The following SORBS2 variants were observed in gnomAD, a reference collection of about 807,000 sequenced individuals.
SORBS2 encodes sorbin and SH3 domain containing 2.
SORBS2 carries 46 observed loss-of-function variants against 97.7 expected under a neutral mutation model. The observed-to-expected ratio is 0.47, with a 90% CI of 0.37 to 0.60. The LOEUF (loss-of-function observed/expected upper bound fraction) is 0.60. Among genes scored for constraint, SORBS2 ranks in the 20% least tolerant of loss-of-function variants. The probability of loss-of-function intolerance (pLI) is 0.00; values close to 1 mark genes in which losing one functional copy is unlikely to be tolerated. For synonymous variants in SORBS2, 476 were observed against 473.4 expected, an observed-to-expected ratio of 1.01 and a Z score of -0.07; for missense variants, 1,316 against 1,282.3, an observed-to-expected ratio of 1.03 and a Z score of -0.40.
rs567329894 is a variant in SORBS2 at position 185,616,997 on chromosome 4, C to T, written c.2351+1588G>A. ...CTTCTGACCTCGAGTGATCCATCTGCCTTGGCCTCCCAAAGTGCTGGGATT... is the reference window on the plus strand; with the variant it reads ...CTTCTGACCTCGAGTGATCCATCTGTCTTGGCCTCCCAAAGTGCTGGGATT... On this transcript the variant is annotated intron_variant, in intron 9 of 14. Transcript: ENST00000418609. 3.9e-5 allele frequency among the ~76,000 whole-genome samples: 6 copies of T among 152,330 alleles called. No individual in the cohort carries two copies. In the East Asian group the frequency reaches 1.2e-3, roughly 29 times the overall value.
At chr4:185,791,787 T>C (rs576287734) in intron 1 of SORBS2, among the ~76,000 whole-genome samples, 8 of 152,210 alleles carry the variant, frequency 5.3e-5, no homozygotes, top group African/African-American at 1.9e-4. Flanking sequence ...AGAGTGCTAA[T>C]AGTCAACAAA....
intron 1 of SORBS2, among the ~76,000 whole-genome samples, chr4:185,836,622 G>C (rs1351173218): frequency 1.3e-5 from 2 of 152,098 alleles, no homozygotes; most frequent in African/African-American, 4.8e-5. Context: ...GCCTCAGAAA[G>C]TTTCATAATT....
chr4:185,757,164 T>A (rs571155379), intron 2 of SORBS2: 5 of 387,988 alleles, frequency 1.3e-5, no homozygotes, highest in African/African-American at 2.1e-5. Context: ...CTTTCAGATA[T>A]TGTCAAGTTT....
At chr4:185,833,461 C>G (rs2099206252) in intron 1 of SORBS2, among the ~76,000 whole-genome samples, 1 of 152,180 alleles carries the variant, frequency 6.6e-6, no homozygotes, top group Non-Finnish European at 1.5e-5. Context: ...TAAATCCTTT[C>G]AAATGAAACC....
chr4:185,587,434 G>A (rs1296516444), exon 15 of SORBS2: 5 of 595,996 alleles, frequency 8.4e-6, no homozygotes, highest in African/African-American at 5.6e-5. Flanking sequence ...CACGGAGGGG[G>A]ACCAGCCTGC....
chr4:185,894,508 T>C (rs2099244051), intron 1 of SORBS2: 1 of 152,206 alleles, frequency 6.6e-6, no homozygotes, highest in South Asian at 2.1e-4. Flanking sequence ...CTTTTAAGAA[T>C]GGTCTGAACC....
At position 185,711,179 on chromosome 4, in the gene SORBS2, G is replaced by T. The variant is rs2098417390; in HGVS notation, c.-197-32357C>A. Among the ~76,000 whole-genome samples, 4 of 151,066 alleles carry T rather than the reference G, an allele frequency of 2.6e-5. No individual in the cohort carries two copies. In the South Asian group the frequency reaches 8.4e-4, roughly 32 times the overall value. Reference sequence around the variant, plus strand: ...TGTAGAGCTGGGGTCTTGCCTTGTTGCCTGGGCTGGTCTTGAACTCCTGGC... The same window carrying T: ...TGTAGAGCTGGGGTCTTGCCTTGTTTCCTGGGCTGGTCTTGAACTCCTGGC... On this transcript the variant is annotated intron_variant, in intron 2 of 20. Coordinates refer to the SORBS2 transcript ENST00000284776.
At chr4:185,665,132 A>G (rs1404768904) in intron 4 of SORBS2, among the ~76,000 whole-genome samples, 4 of 152,236 alleles carry the variant, frequency 2.6e-5, no homozygotes, top group African/African-American at 9.6e-5. Flanking sequence ...CTGTCCTGAA[A>G]TGGCTCAGGA....
At chr4:185,618,465 A>G (rs1333067090) in intron 9 of SORBS2, 120 bp downstream of exon 21, 2 of 479,472 alleles carry the variant, frequency 4.2e-6, no homozygotes, top group South Asian at 1.4e-4. Context: ...ATTAGAGTAG[A>G]TTGCTGCATT....
chr4:185,941,287 T>G (rs957796910), intron 1 of SORBS2, among the ~76,000 whole-genome samples: 1 of 152,184 alleles, frequency 6.6e-6, no homozygotes, highest in Non-Finnish European at 1.5e-5. Flanking sequence ...TTGCTCCAGA[T>G]CAAGTTGGAG....
intron 1 of SORBS2, among the ~76,000 whole-genome samples, chr4:185,847,094 A>G (rs981600806): frequency 1.3e-5 from 2 of 152,094 alleles, no homozygotes; most frequent in African/African-American, 4.8e-5. Context: ...CAATTAGATA[A>G]CTTCTGTCCC....
chr4:185,877,328 A>G (rs1244347591), intron 1 of SORBS2, among the ~76,000 whole-genome samples: 5 of 152,232 alleles, frequency 3.3e-5, no homozygotes, highest in African/African-American at 1.2e-4. Context: ...TAAGCAAAAA[A>G]AAGAGATTTG....
At chr4:185,628,619 T>C (rs1488932174) in intron 5 of SORBS2, among the ~76,000 whole-genome samples, 2 of 152,130 alleles carry the variant, frequency 1.3e-5, no homozygotes, top group Non-Finnish European at 1.5e-5. Flanking sequence ...AGTTGTGTCA[T>C]GTGCCTGTAG....
chr4:185,649,592 A>C (rs909286884), exon 3 of SORBS2: 2 of 1,602,502 alleles, frequency 1.2e-6, no homozygotes, highest in East Asian at 2.3e-5. Context: ...TTTTGGAAAG[A>C]GGTCTGTAGG....
rs544311256 is a variant in SORBS2, at chr4:185,889,607, C to T, written c.-338+66589G>A. Among the ~76,000 whole-genome samples, 7 of 152,272 alleles carry T rather than the reference C, an allele frequency of 4.6e-5. No individual in the cohort carries two copies. In the East Asian group the frequency reaches 9.7e-4, roughly 21 times the overall value. ...TATCATTCCCCGATCTCCAATTTAT[C>T]TTTTCATGTTCCTCTCAGTCTCTCA... is the stretch of plus-strand genomic sequence containing the variant. On this transcript the variant is annotated intron_variant, in intron 1 of 20. Transcript: ENST00000284776.
intron 2 of SORBS2, among the ~76,000 whole-genome samples, chr4:185,737,116 G>A (rs1013072194): frequency 2.6e-5 from 4 of 152,270 alleles, no homozygotes; most frequent in South Asian, 2.1e-4. Flanking sequence ...AATTGCCCAC[G>A]ATTTTTCCCT....
intron 4 of SORBS2, among the ~76,000 whole-genome samples, chr4:185,666,903 G>C (rs2097613234): frequency 6.6e-6 from 1 of 152,108 alleles, no homozygotes; most frequent in Non-Finnish European, 1.5e-5. Context: ...TTAGGTAAAG[G>C]AGAAAGAAAC....
At chr4:185,591,272 C>A (rs561602149) in intron 13 of SORBS2, among the ~76,000 whole-genome samples, 1 of 152,164 alleles carries the variant, frequency 6.6e-6, no homozygotes, top group Non-Finnish European at 1.5e-5. Context: ...ACATTAGAGG[C>A]TTCTTCTCCT....
rs374565074 is a variant in SORBS2, at chr4:185,945,744, A to T, written c.-338+10452T>A. ...GGTGCTGAATGAGCAGAGAGGACAG[A>T]TATCTGATCCATGCTGGCTAAGTGT... On this transcript the variant is annotated intron_variant, in intron 1 of 20. Transcript: ENST00000284776. 3.9e-5 allele frequency among the ~76,000 whole-genome samples: 6 copies of T among 152,236 alleles called. No homozygotes were observed. The East Asian group carries it at 9.6e-4, about 24-fold the overall frequency.
Sources: gnomAD v4.1 joint callset for allele counts (sites outside exome capture counted in the v4.1 genomes callset) on GRCh38, gnomAD v4.1.1 for gene constraint, MANE v1.5 for transcripts, NCBI Gene and HGNC (gene_info 2026-07-23, HGNC 2026-07-21) for gene names.